LIPA: variants seen among roughly 807,000 people sequenced by gnomAD.
The protein encoded by LIPA is lipase A, lysosomal acid type.
LIPA carries 26 observed loss-of-function variants against 40.6 expected under a neutral mutation model. The ratio of observed to expected loss-of-function variants is 0.64; its 90% CI spans 0.47 to 0.89. The LOEUF is 0.89. Among genes scored for constraint, LIPA ranks in the 40% least tolerant of loss-of-function variants. The probability of loss-of-function intolerance (pLI) is 0.00; values close to 1 mark genes in which losing one functional copy is unlikely to be tolerated. For missense variants in LIPA, 455 were observed against 479.6 expected, an observed-to-expected ratio of 0.95 and a Z score of 0.48; for synonymous variants, 188 against 168.4, an observed-to-expected ratio of 1.12 and a Z score of -0.90.
At chr10:89,237,298 TA>T (rs1197877063) in intron 3 of LIPA, among the ~76,000 whole-genome samples, 5 of 152,018 alleles carry the variant, frequency 3.3e-5, no homozygotes, top group African/African-American at 1.2e-4. Flanking sequence ...AAAAATTAAT[TA>T]ATTTTAAGAA....
Position 89,228,368 on chromosome 10 carries a change from C to T in LIPA, c.260G>A (p.Gly87Asp). Residue 87 changes from glycine (G) to aspartate (D), a missense_variant, in exon 4 of 10, where the codon GGC becomes GAC. Gly to Asp is a moderately conservative substitution (Grantham distance 94, BLOSUM62 -1). Transcript: ENST00000336233. ...CCAGTTACTAGAATCTGCCAGCAAG[C>T]CATGTTGCAGGAAGACAACTGGTTT... is the stretch of plus-strand genomic sequence containing the variant. ...GPKPVVFLQH[G>D]LLADSSNWVT... is the part of the protein sequence containing the mutation. The T allele has an allele frequency of 6.2e-7, 1 of 1,614,162 alleles. No individual in the cohort carries two copies. The highest frequency in any genetic ancestry group is 8.5e-7 in the Non-Finnish European group (1 of 1,180,020).
chr10:89,295,000 A>AGAAAGGAAATGAAAT (rs1843403781), intron 1 of LIPA, among the ~76,000 whole-genome samples: 1 of 101,494 alleles, frequency 9.9e-6, no homozygotes, highest in Non-Finnish European at 2.1e-5. Context: ...AAAAAAAGGA[A>AGAAAGGAAATGAAAT]GAAAGGAAAG....
At chr10:89,237,256 G>C (rs1442851345) in intron 3 of LIPA, among the ~76,000 whole-genome samples, 1 of 152,092 alleles carries the variant, frequency 6.6e-6, no homozygotes, top group African/African-American at 2.4e-5. Flanking sequence ...CTCCAGCTTG[G>C]TGACAGAGCA....
At chr10:89,238,889 G>A (rs1842935665) in intron 3 of LIPA, among the ~76,000 whole-genome samples, 1 of 152,154 alleles carries the variant, frequency 6.6e-6, no homozygotes, top group Admixed American at 6.5e-5. Flanking sequence ...GTTATATGCA[G>A]TTTTCAATAA....
intron 2 of LIPA, among the ~76,000 whole-genome samples, chr10:89,349,936 C>G (rs1843948034): frequency 1.3e-5 from 2 of 152,090 alleles, no homozygotes; most frequent in East Asian, 3.9e-4. Flanking sequence ...TGATGGTATC[C>G]CCAACCCCTA....
chr10:89,232,696 A>T (rs1318594487), intron 3 of LIPA, among the ~76,000 whole-genome samples: 3 of 152,226 alleles, frequency 2.0e-5, no homozygotes, highest in Non-Finnish European at 4.4e-5. Flanking sequence ...TGGCCAGCAC[A>T]TGGGACCAGG....
intron 1 of LIPA, chr10:89,338,947 G>C (rs147185896): frequency 3.7e-6 from 6 of 1,614,004 alleles, no homozygotes; most frequent in African/African-American, 1.3e-5. Context: ...AGTCACTTGG[G>C]GAAACTACGC....
At chr10:89,275,403 C>T (rs1843284526) in intron 1 of LIPA, among the ~76,000 whole-genome samples, 1 of 152,202 alleles carries the variant, frequency 6.6e-6, no homozygotes, top group South Asian at 2.1e-4. Flanking sequence ...TGAGAGCTGA[C>T]TTGGGTTCTA....
Position 89,403,057 on chromosome 10 carries a change from A to C in LIPA, c.61+9734T>G, listed in dbSNP as rs753051104. ...GTCTTTCGATATGCAGCCAAGTTTT[A>C]CCGAAGAAAAGGCTCTGTGGATAAA... On this transcript the variant is annotated intron_variant, in intron 2 of 8. Coordinates refer to the LIPA transcript ENST00000371837. The C allele has an allele frequency of 3.3e-5, 54 of 1,614,114 alleles. No individual in the cohort carries two copies. The highest frequency in any genetic ancestry group is 3.6e-5 in the Non-Finnish European group (43 of 1,180,046).
intron 1 of LIPA, among the ~76,000 whole-genome samples, chr10:89,250,616 T>C (rs1416277818): frequency 6.6e-6 from 1 of 152,182 alleles, no homozygotes; most frequent in Non-Finnish European, 1.5e-5. Flanking sequence ...ATTACCACAA[T>C]TGAAAACAGA....
At chr10:89,342,081 A>G (rs1201629926) in intron 1 of LIPA, among the ~76,000 whole-genome samples, 1 of 152,228 alleles carries the variant, frequency 6.6e-6, no homozygotes. Context: ...TTTACATGTC[A>G]ACTAAATTTT....
chr10:89,286,739 A>T (rs546205197), intron 1 of LIPA, among the ~76,000 whole-genome samples: 1 of 152,342 alleles, frequency 6.6e-6, no homozygotes, highest in East Asian at 1.9e-4. Context: ...AAAACTCCAA[A>T]AATTAAATTC....
At chr10:89,395,008 T>G (rs903094256) in intron 2 of LIPA, among the ~76,000 whole-genome samples, 11 of 152,342 alleles carry the variant, frequency 7.2e-5, no homozygotes, top group African/African-American at 2.6e-4. Context: ...TAAGTTGGAC[T>G]TTCTCATTCC....
At chr10:89,310,197 T>G (rs1040829398) in intron 1 of LIPA, among the ~76,000 whole-genome samples, 1 of 152,196 alleles carries the variant, frequency 6.6e-6, no homozygotes, top group Non-Finnish European at 1.5e-5. Flanking sequence ...TCTTATTTAT[T>G]TCTCTGCCTC....
intron 1 of LIPA, among the ~76,000 whole-genome samples, chr10:89,250,098 C>CTTTCTTTTTTTTTTTTT (rs1564767178): frequency 1.1e-4 from 11 of 101,708 alleles, no homozygotes; most frequent in South Asian, 7.8e-4. Context: ...TTTTTCTTTT[C>CTTTCTTTTTTTTTTTTT]TTTTCTTTCT....
At chr10:89,292,200 T>C (rs1843378666) in intron 1 of LIPA, 1 of 152,256 alleles carries the variant, frequency 6.6e-6, no homozygotes, top group Non-Finnish European at 1.5e-5. Context: ...GCAATATTTC[T>C]TCTTCTTTTG....
At position 89,340,060 on chromosome 10, in the gene LIPA, G is replaced by A. The variant is rs937341885; in HGVS notation, c.-2+2551C>T. On this transcript the variant is annotated intron_variant, in intron 1 of 5. Coordinates refer to the LIPA transcript ENST00000282673. ...ATCTGAGCTTGAGGATGGTAGTGAGGAAATGGGCCAGGGCGCAGTCAGCTC... is the reference window on the plus strand; with the variant it reads ...ATCTGAGCTTGAGGATGGTAGTGAGAAAATGGGCCAGGGCGCAGTCAGCTC... 5 of 1,614,090 alleles carry A rather than the reference G, an allele frequency of 3.1e-6. No individual in the cohort carries two copies. In the Admixed American group the frequency reaches 6.7e-5, roughly 22 times the overall value.
intron 1 of LIPA, among the ~76,000 whole-genome samples, chr10:89,294,407 C>T (rs1049972721): frequency 1.3e-5 from 2 of 152,216 alleles, no homozygotes; most frequent in African/African-American, 4.8e-5. Context: ...CCAGGGCCCT[C>T]TTACTGGGTC....
intron 3 of LIPA, among the ~76,000 whole-genome samples, chr10:89,234,218 T>C (rs6586178): frequency 0.11 from 17,490 of 152,214 alleles, 2,184 homozygotes; most frequent in African/African-American, 0.31. Flanking sequence ...GGGACCAGTG[T>C]GCACATGAAA....
Sources: gnomAD v4.1 joint callset for allele counts (sites outside exome capture counted in the v4.1 genomes callset) on GRCh38, gnomAD v4.1.1 for gene constraint, MANE v1.5 for transcripts, NCBI Gene and HGNC (gene_info 2026-07-23, HGNC 2026-07-21) for gene names.